TOGARAM2: variants seen among roughly 807,000 people sequenced by gnomAD.
The protein encoded by TOGARAM2 is TOG array regulator of axonemal microtubules protein 2.
TOGARAM2 carries 85 observed loss-of-function variants against 93.3 expected under a neutral mutation model. That is an observed-to-expected ratio of 0.91 (90% confidence interval 0.76 to 1.09). The LOEUF (loss-of-function observed/expected upper bound fraction) is 1.09. Ranked by LOEUF, TOGARAM2 falls within the 50% of genes least tolerant of loss-of-function variation. The pLI is 0.00. For missense variants in TOGARAM2, 1,277 were observed against 1,334.5 expected (o/e 0.96, Z 0.67); for synonymous variants, 593 against 552.8 (o/e 1.07, Z -1.02).
upstream of TOGARAM2, among the ~76,000 whole-genome samples, chr2:28,976,796 C>T (rs944261797): frequency 6.6e-6 from 1 of 152,234 alleles, no homozygotes; most frequent in Non-Finnish European, 1.5e-5. Context: ...CCAGGGAACA[C>T]GTCAGCCCAG....
chr2:28,966,167 T>C (rs1344718968), intron 1 of TOGARAM2, among the ~76,000 whole-genome samples: 1 of 151,712 alleles, frequency 6.6e-6, no homozygotes, highest in Admixed American at 6.6e-5. Context: ...GTTTTTGTAT[T>C]TTTATTAGAG....
At chr2:29,004,566 G>A (rs1458323561) in intron 6 of TOGARAM2, among the ~76,000 whole-genome samples, 1 of 152,248 alleles carries the variant, frequency 6.6e-6, no homozygotes, top group African/African-American at 2.4e-5. Context: ...GCACGTGTGT[G>A]TGAGAGTGAG....
chr2:29,043,743 C>T (rs765682350), intron 18 of TOGARAM2, among the ~76,000 whole-genome samples: 29 of 152,204 alleles, frequency 1.9e-4, no homozygotes, highest in Non-Finnish European at 3.5e-4. Flanking sequence ...CTCTGCAGTC[C>T]ACAAGGAGAA....
intron 1 of TOGARAM2, among the ~76,000 whole-genome samples, chr2:28,964,467 TG>T (rs1267928214): frequency 3.9e-4 from 47 of 121,274 alleles, no homozygotes; most frequent in South Asian, 8.6e-4. Context: ...AATTGGGTCT[TG>T]TTTTTTTTTT....
At chr2:28,958,019 A>C (rs1188722228) in intron 1 of TOGARAM2, among the ~76,000 whole-genome samples, 1 of 152,212 alleles carries the variant, frequency 6.6e-6, no homozygotes, top group Non-Finnish European at 1.5e-5. Flanking sequence ...AGTCATGACA[A>C]AAAAGAAATT....
At chr2:28,970,227 G>A (rs1387438942) in intron 1 of TOGARAM2, among the ~76,000 whole-genome samples, 1 of 152,176 alleles carries the variant, frequency 6.6e-6, no homozygotes, top group Non-Finnish European at 1.5e-5. Flanking sequence ...ATTTGCATGA[G>A]GCCCCAGGGA....
chr2:29,021,229 G>A (rs1178104427), intron 10 of TOGARAM2, among the ~76,000 whole-genome samples: 1 of 152,196 alleles, frequency 6.6e-6, no homozygotes, highest in Admixed American at 6.5e-5. Flanking sequence ...TCCACTTTCA[G>A]TAAAGGGCTT....
At position 28,965,169 on chromosome 2, in the gene TOGARAM2, A is replaced by C. The variant is rs899907631; in HGVS notation, c.-147+8472A>C. On this transcript the variant is annotated intron_variant, in intron 1 of 6. Coordinates refer to the TOGARAM2 transcript ENST00000401723. ...AGCGTCTGTTGTTTCTTGACTTTTTAATATTTGCTGTTCTGACTGGTGGGG... is the reference window on the plus strand; with the variant it reads ...AGCGTCTGTTGTTTCTTGACTTTTTCATATTTGCTGTTCTGACTGGTGGGG... Among the ~76,000 whole-genome samples, 15 of 152,004 alleles carry C rather than the reference A, an allele frequency of 9.9e-5. No homozygotes were observed. In the South Asian group the frequency reaches 3.1e-3, roughly 32 times the overall value.
chr2:28,971,442 G>C (rs1250105969), intron 1 of TOGARAM2, among the ~76,000 whole-genome samples: 1 of 152,074 alleles, frequency 6.6e-6, no homozygotes, highest in Non-Finnish European at 1.5e-5. Flanking sequence ...GAACTCCCCA[G>C]CTCAAGCAAT....
intron 1 of TOGARAM2, among the ~76,000 whole-genome samples, chr2:28,966,803 T>G (rs2148218106): frequency 6.6e-6 from 1 of 152,280 alleles, no homozygotes; most frequent in South Asian, 2.1e-4. Flanking sequence ...CTGCACCACA[T>G]GATGGTTTAT....
chr2:28,962,766 C>A (rs1671818692), intron 1 of TOGARAM2, among the ~76,000 whole-genome samples: 1 of 108,546 alleles, frequency 9.2e-6, no homozygotes. Flanking sequence ...CCCTCCCCTT[C>A]CCTCCCCTCC....
At chr2:29,016,802 C>T (rs567642500) in intron 8 of TOGARAM2, among the ~76,000 whole-genome samples, 1 of 152,330 alleles carries the variant, frequency 6.6e-6, no homozygotes, top group East Asian at 1.9e-4. Flanking sequence ...TGCACTCACT[C>T]CCTCTGCTTC....
chr2:29,002,674 G>T lies in TOGARAM2; in HGVS notation c.566G>T (p.Gly189Val). The change falls in exon 5 of 20, where the codon GGA becomes GTA. Residue 189 changes from glycine (G) to valine (V), a missense_variant. Coordinates refer to ENST00000379558, the MANE Select transcript of TOGARAM2 (RefSeq NM_199280.4). ...QSIPTTPEAS[G>V]VKEKGLDLPG... is the part of the protein sequence containing the mutation. ...ATCCCTACCACCCCTGAGGCCAGCG[G>T]AGTCAAAGAGAAGGGCCTGGACCTA... The T allele has an allele frequency of 6.2e-7, 1 of 1,614,008 alleles. No homozygotes were observed. Among genetic ancestry groups the T allele is most frequent in the Non-Finnish European group, 8.5e-7 (1 of 1,179,884 alleles).
intron 19 of TOGARAM2, chr2:29,050,367 A>G (rs747278943): frequency 6.6e-6 from 1 of 152,262 alleles, no homozygotes; most frequent in African/African-American, 2.4e-5. Flanking sequence ...CAATAAATAA[A>G]TAAAACAAAA....
At chr2:29,006,761 T>A (rs993642412) in intron 6 of TOGARAM2, among the ~76,000 whole-genome samples, 1 of 152,094 alleles carries the variant, frequency 6.6e-6, no homozygotes, top group African/African-American at 2.4e-5. Flanking sequence ...GTTTTCACCG[T>A]CAGCCTCCTC....
chr2:29,046,654 T>G (rs1666765753), intron 19 of TOGARAM2: 2 of 152,312 alleles, frequency 1.3e-5, no homozygotes, highest in African/African-American at 4.8e-5. Context: ...CAGGAGGATG[T>G]AGATTCCACT....
chr2:29,027,222 C>T (rs906350192), intron 14 of TOGARAM2, among the ~76,000 whole-genome samples: 4 of 152,224 alleles, frequency 2.6e-5, no homozygotes, highest in African/African-American at 9.6e-5. Context: ...CCTCCACTTT[C>T]TGGTCTTCCA....
At chr2:29,006,326 GTGCA>G (rs1663838907) in intron 6 of TOGARAM2, among the ~76,000 whole-genome samples, 3 of 144,184 alleles carry the variant, frequency 2.1e-5, no homozygotes, top group South Asian at 2.2e-4. Context: ...TGTGGAGTGT[GTGCA>G]TGTGTGTGTA....
chr2:29,024,552 C>A lies in TOGARAM2; in HGVS notation c.1853+178C>A, dbSNP rs145217884. Among the ~76,000 whole-genome samples the A allele has an allele frequency of 1.6e-3, 248 of 152,274 alleles. 2 individuals carry two copies. Among genetic ancestry groups the A allele is most frequent in the Admixed American group, 0.01 (160 of 15,300 alleles). ...AGGACAGGGTGATGGGTCAGAGGTT[C>A]TGAGTGAAGAAGGGGCCCATCTCAG... On this transcript the variant is annotated intron_variant, in intron 13 of 19. Coordinates refer to ENST00000379558, the MANE Select transcript of TOGARAM2 (RefSeq NM_199280.4).
Sources: allele counts gnomAD v4.1 joint callset (sites outside exome capture counted in the v4.1 genomes callset), GRCh38; gene constraint gnomAD v4.1.1; transcripts MANE v1.5; gene names NCBI Gene and HGNC (gene_info 2026-07-23, HGNC 2026-07-21).